Variants in CACNB4 observed in about 807,000 individuals in gnomAD.
CACNB4 encodes the protein voltage-dependent L-type calcium channel subunit beta-4.
CACNB4 carries 32 observed loss-of-function variants against 71.2 expected under a neutral mutation model. The ratio of observed to expected loss-of-function variants is 0.45; its 90% CI spans 0.34 to 0.60. CACNB4 has a LOEUF of 0.60. CACNB4 is among the 20% of genes least tolerant of loss of function. The pLI is 0.01. For synonymous variants in CACNB4, 231 were observed against 236.9 expected (o/e 0.97, Z 0.23); for missense variants, 464 against 647.9 (o/e 0.72, Z 3.08).
intron 2 of CACNB4, among the ~76,000 whole-genome samples, chr2:151,979,843 G>A (rs1320810676): frequency 6.6e-6 from 1 of 152,180 alleles, no homozygotes; most frequent in Non-Finnish European, 1.5e-5. Flanking sequence ...GAGAGCCAGA[G>A]AGTAATTTGA....
chr2:151,922,261 G>A (rs1156310852), intron 2 of CACNB4, among the ~76,000 whole-genome samples: 5 of 152,156 alleles, frequency 3.3e-5, no homozygotes, highest in Non-Finnish European at 7.3e-5. Flanking sequence ...TAGAGTCAAT[G>A]ACATGATCAT....
intron 2 of CACNB4, among the ~76,000 whole-genome samples, chr2:152,024,502 A>G (rs897896059): frequency 6.6e-6 from 1 of 152,236 alleles, no homozygotes; most frequent in Non-Finnish European, 1.5e-5. Flanking sequence ...CATAGACAAC[A>G]ATGTAATTTT....
At chr2:152,012,713 T>C (rs1451734342) in intron 2 of CACNB4, among the ~76,000 whole-genome samples, 1 of 152,190 alleles carries the variant, frequency 6.6e-6, no homozygotes, top group Non-Finnish European at 1.5e-5. Flanking sequence ...CTAAGTGTTA[T>C]TCCAAAACAG....
intron 2 of CACNB4, among the ~76,000 whole-genome samples, chr2:152,082,912 T>A (rs577578934): frequency 2.0e-5 from 3 of 152,280 alleles, no homozygotes; most frequent in African/African-American, 7.2e-5. Context: ...CACTAAAAAA[T>A]GGTAAAGATG....
rs139531721 is a variant in CACNB4 at position 152,052,957 on chromosome 2, C to T, written c.147+45373G>A. 7.1e-4 allele frequency among the ~76,000 whole-genome samples: 107 copies of T among 151,504 alleles called. 3 individuals are homozygous for T. In the East Asian group the frequency reaches 0.02, roughly 29 times the overall value. ...AGATCACGCCACTGCACTCCAGCCT[C>T]GGTGACATAGCAAGACTCTGTCTAA... On this transcript the variant is annotated intron_variant, in intron 2 of 13. Transcript: ENST00000539935.
At position 152,098,070 on chromosome 2, in the gene CACNB4, T is replaced by G. The variant is rs1365415722; in HGVS notation, c.147+260A>C. On this transcript the variant is annotated intron_variant, in intron 2 of 13. Coordinates refer to ENST00000539935, the MANE Select transcript of CACNB4 (RefSeq NM_000726.5). This position sits in a 1 kb window ranked among gnomAD's most constrained non-coding sequence, Gnocchi z 5.3. ...GCTCTTAAATTCAACGTCCCTGACT[T>G]AAGCCAGGTCCCCACCGAACTGTCC... Among the ~76,000 whole-genome samples the G allele has an allele frequency of 6.6e-6, 1 of 152,228 alleles. No individual in the cohort carries two copies. The highest frequency in any genetic ancestry group is 1.9e-4 in the East Asian group (1 of 5,198).
chr2:151,931,219 G>A (rs372341226), intron 2 of CACNB4, among the ~76,000 whole-genome samples: 1 of 152,150 alleles, frequency 6.6e-6, no homozygotes, highest in Non-Finnish European at 1.5e-5. Context: ...TAAGGAATCT[G>A]TCCTGTGCTT....
chr2:151,989,330 A>T (rs1681555743), intron 2 of CACNB4, among the ~76,000 whole-genome samples: 1 of 151,846 alleles, frequency 6.6e-6, no homozygotes, highest in Non-Finnish European at 1.5e-5. Context: ...CTCTGTCTTC[A>T]TTTCTTCTCC....
intron 2 of CACNB4, among the ~76,000 whole-genome samples, chr2:151,892,949 C>G (rs2099851095): frequency 1.3e-5 from 2 of 151,944 alleles, no homozygotes; most frequent in African/African-American, 4.8e-5. Flanking sequence ...GAATGCTACG[C>G]AAGTTGACTG....
intron 2 of CACNB4, among the ~76,000 whole-genome samples, chr2:151,942,779 G>A (rs950699320): frequency 6.6e-6 from 1 of 152,148 alleles, no homozygotes; most frequent in African/African-American, 2.4e-5. Context: ...ATGATCTCCT[G>A]CAGTACTCTC....
At chr2:151,875,764 A>C (rs1308418960) in intron 5 of CACNB4, among the ~76,000 whole-genome samples, 7 of 74,176 alleles carry the variant, frequency 9.4e-5, no homozygotes, top group Non-Finnish European at 1.4e-4. Context: ...GGCACCCCTC[A>C]CCTCCCGGAC....
At chr2:151,917,385 G>A (rs1425006697) in intron 2 of CACNB4, among the ~76,000 whole-genome samples, 1 of 152,196 alleles carries the variant, frequency 6.6e-6, no homozygotes, top group African/African-American at 2.4e-5. Context: ...TTCCCAAGGT[G>A]AGCTCGGGTC....
intron 2 of CACNB4, among the ~76,000 whole-genome samples, chr2:151,943,918 A>G (rs1255306351): frequency 6.6e-6 from 1 of 152,246 alleles, no homozygotes; most frequent in East Asian, 1.9e-4. Context: ...AAAATGTGTA[A>G]ATGAAATGTG....
chr2:151,972,670 C>G (rs971919755), intron 2 of CACNB4: 2 of 151,988 alleles, frequency 1.3e-5, no homozygotes, highest in African/African-American at 4.8e-5. Flanking sequence ...TATACGTCTG[C>G]ATTGACGTAT....
chr2:152,087,871 C>T (rs1156815689), intron 2 of CACNB4, among the ~76,000 whole-genome samples: 2 of 151,606 alleles, frequency 1.3e-5, no homozygotes, highest in Non-Finnish European at 2.9e-5. Flanking sequence ...GGTGACAGAG[C>T]GAGACCCTGT....
chr2:151,869,288 GA>G, intron 8 of CACNB4, 53 bp from the exon 9 acceptor site: 1 of 1,090,502 alleles, frequency 9.2e-7, no homozygotes. Context: ...GAGAGAGAGA[GA>G]GAAGTCAAAA....
intron 9 of CACNB4, chr2:151,861,802 C>T (rs1232422328): frequency 7.2e-6 from 1 of 138,854 alleles, no homozygotes; most frequent in African/African-American, 2.9e-5. Context: ...GAGATCACGC[C>T]ACTGCACTCC....
intron 12 of CACNB4, among the ~76,000 whole-genome samples, chr2:151,849,248 T>C (rs1182562790): frequency 1.3e-5 from 2 of 152,184 alleles, no homozygotes; most frequent in African/African-American, 4.8e-5. Context: ...CTCCTTGAAT[T>C]TAGGCAGCCT....
intron 2 of CACNB4, among the ~76,000 whole-genome samples, chr2:151,900,948 T>G (rs2099853228): frequency 1.3e-5 from 2 of 151,790 alleles, no homozygotes; most frequent in African/African-American, 4.8e-5. Context: ...ACTTGAAGAC[T>G]TTGGTATTTT....
Sources: allele counts gnomAD v4.1 joint callset (sites outside exome capture counted in the v4.1 genomes callset), GRCh38; gene constraint gnomAD v4.1.1; non-coding constraint Gnocchi (gnomAD v3.1); transcripts MANE v1.5; gene names NCBI Gene and HGNC (gene_info 2026-07-23, HGNC 2026-07-21).